ANKRD31: variants seen among roughly 807,000 people sequenced by gnomAD.
The protein encoded by ANKRD31 is ankyrin repeat domain-containing protein 31.
ANKRD31 carries 147 observed loss-of-function variants against 186.0 expected under a neutral mutation model. The ratio of observed to expected loss-of-function variants is 0.79; its 90% confidence interval spans 0.69 to 0.91. ANKRD31 has a LOEUF of 0.91. Among genes scored for constraint, ANKRD31 ranks in the 40% least tolerant of loss-of-function variants. ANKRD31 has a pLI of 0.00. For missense variants in ANKRD31, 1,986 were observed against 2,148.8 expected, an observed-to-expected ratio of 0.92 and a Z score of 1.50; for synonymous variants, 673 against 736.4, an observed-to-expected ratio of 0.91 and a Z score of 1.39.
chr5:75,151,095 T>C (rs1012036441), intron 12 of ANKRD31, among the ~76,000 whole-genome samples: 4 of 152,042 alleles, frequency 2.6e-5, no homozygotes, highest in Non-Finnish European at 4.4e-5. Flanking sequence ...TTCTTGTCAA[T>C]AGCATTCAGA....
rs1751414489 is a variant in ANKRD31, at chr5:75,146,114, T to C, written c.3297A>G (p.Arg1099=). ...VIETTKVEKR[R]QNHLESETIH... ...TAGTCTCACTTTCTAGATGGTTTTG[T>C]CTCCTTTTTTCAACTTTAGTTGTTT... The change falls in exon 14 of 26, where the codon AGA becomes AGG. Residue 1099 remains arginine, a synonymous_variant. Transcript: ENST00000506364. 1 of 1,535,984 alleles carries C rather than the reference T, an allele frequency of 6.5e-7. No homozygotes were observed. Among genetic ancestry groups the C allele is most frequent in the African/African-American group, 1.4e-5 (1 of 72,978 alleles).
At position 75,193,359 on chromosome 5, in the gene ANKRD31, A is replaced by G. The variant is rs759116484; in HGVS notation, c.1250T>C (p.Leu417Pro). 7 of 1,536,930 alleles carry G rather than the reference A, an allele frequency of 4.6e-6. No homozygotes were observed. In the South Asian group the frequency reaches 5.9e-5, roughly 13 times the overall value. The change falls in exon 8 of 26, where the codon CTT (leucine) becomes CCT (proline). Residue 417 changes from leucine to proline, a missense_variant. Physicochemically the swap from Leu to Pro is moderately conservative, Grantham distance 98. Transcript: ENST00000506364. The stretch of plus-strand genomic sequence containing the variant: ...ATTATTTGTTAGGTCCTCACAGCCA[A>G]GGATTTTTGGTAAAATCTTTTCTGG... Reference protein sequence around the residue: ...KMPEKILPKILGCEDLTNNNS... With the variant: ...KMPEKILPKIPGCEDLTNNNS...
rs1747879128 is a variant in ANKRD31 at position 75,112,618 on chromosome 5, T to G, written c.4156-18A>C. ...GTCTGATGCTATCAGATAAAAATAT[T>G]TGAAACTTCATTATAAAGGGGTAGA... On this transcript the variant is annotated intron_variant, in intron 19 of 25. Coordinates refer to ENST00000506364, the MANE Select transcript of ANKRD31 (RefSeq NM_001372053.1). 4.1e-6 allele frequency: 6 copies of G among 1,448,652 alleles called. No individual in the cohort carries two copies. In the African/African-American group the frequency reaches 7.1e-5, roughly 17 times the overall value. The allele number at this position is 1,448,652 out of a possible 1,614,324, so 89.7% of individuals were successfully genotyped here. A position where few individuals can be genotyped will look rare whatever the true frequency, so the allele number is the denominator to read the frequency against.
intron 1 of ANKRD31, among the ~76,000 whole-genome samples, chr5:75,234,730 T>C (rs1208612382): frequency 1.3e-5 from 2 of 152,244 alleles, no homozygotes; most frequent in Admixed American, 6.5e-5. Flanking sequence ...TATGTGTTTG[T>C]AATCTTGATA....
chr5:75,093,060 A>G (rs1264002661), intron 22 of ANKRD31, among the ~76,000 whole-genome samples: 8 of 152,248 alleles, frequency 5.3e-5, no homozygotes, highest in Non-Finnish European at 1.0e-4. Context: ...ATGCAAGACA[A>G]AGAAAAGAGA....
intron 5 of ANKRD31, among the ~76,000 whole-genome samples, chr5:75,201,898 TATC>T (rs1755846542): frequency 6.6e-6 from 1 of 152,200 alleles, no homozygotes; most frequent in African/African-American, 2.4e-5. Context: ...CACAACCCCT[TATC>T]ATCATAACCC....
chr5:75,193,272 T>C lies in ANKRD31; in HGVS notation c.1298+39A>G, dbSNP rs773022909. The stretch of plus-strand genomic sequence containing the variant: ...AGCATATAATTATCTATAATGTCTA[T>C]AGCATACCTGGAGATAAAGACATAA... On this transcript the variant is annotated intron_variant, in intron 8 of 25. Coordinates refer to ENST00000506364, the MANE Select transcript of ANKRD31 (RefSeq NM_001372053.1). The C allele has an allele frequency of 2.7e-5, 41 of 1,521,662 alleles. 2 individuals carry two copies. The Middle Eastern group carries it at 1.5e-3, about 56-fold the overall frequency. The allele number at this position is 1,521,662 out of a possible 1,614,324, so 94.3% of individuals were successfully genotyped here. A position where few individuals can be genotyped will look rare whatever the true frequency, so the allele number is the denominator to read the frequency against.
chr5:75,095,473 C>CAAA (rs61017772), intron 22 of ANKRD31, among the ~76,000 whole-genome samples: 36 of 144,754 alleles, frequency 2.5e-4, no homozygotes, highest in African/African-American at 5.0e-4. Flanking sequence ...GACTCCGTCT[C>CAAA]AAAAAAAAAA....
At chr5:75,104,201 G>A (rs985035882) in intron 22 of ANKRD31, 27 bp downstream of exon 22, 19 of 1,437,796 alleles carry the variant, frequency 1.3e-5, no homozygotes, top group Non-Finnish European at 1.7e-5. Flanking sequence ...AAATTTGCAT[G>A]ATTTTAGAGA....
rs190856510 is a variant in ANKRD31, at chr5:75,106,556, T to A, written c.4340+965A>T. Among the ~76,000 whole-genome samples the A allele has an allele frequency of 3.1e-3, 465 of 152,158 alleles. 2 individuals carry two copies. The highest frequency in any genetic ancestry group is 0.013 in the South Asian group (62 of 4,832). ...GGAGTTCAGACACAAAACTTAAGATTATCCACACCAAGATGTGAAGTCTCA... is the reference window on the plus strand; with the variant it reads ...GGAGTTCAGACACAAAACTTAAGATAATCCACACCAAGATGTGAAGTCTCA... On this transcript the variant is annotated intron_variant, in intron 21 of 25. Coordinates refer to ENST00000506364, the MANE Select transcript of ANKRD31 (RefSeq NM_001372053.1).
At chr5:75,177,378 G>A (rs1247723234) in intron 10 of ANKRD31, among the ~76,000 whole-genome samples, 1 of 152,088 alleles carries the variant, frequency 6.6e-6, no homozygotes, top group Non-Finnish European at 1.5e-5. Context: ...AGGAAATACA[G>A]AGAACGCCAC....
intron 10 of ANKRD31, among the ~76,000 whole-genome samples, chr5:75,185,021 T>C (rs1386232704): frequency 6.6e-6 from 1 of 152,044 alleles, no homozygotes; most frequent in East Asian, 1.9e-4. Flanking sequence ...TGGAATACTA[T>C]TCAGCCATAA....
At chr5:75,158,835 A>T (rs555887606) in intron 11 of ANKRD31, among the ~76,000 whole-genome samples, 1 of 152,206 alleles carries the variant, frequency 6.6e-6, no homozygotes, top group Non-Finnish European at 1.5e-5. Flanking sequence ...ACAGACATGA[A>T]AAGAAACACT....
chr5:75,077,179 C>T (rs1290123473), intron 25 of ANKRD31, among the ~76,000 whole-genome samples: 1 of 152,162 alleles, frequency 6.6e-6, no homozygotes, highest in Admixed American at 6.5e-5. Flanking sequence ...AGCGATTCTC[C>T]TGCCTCAGCC....
intron 15 of ANKRD31, among the ~76,000 whole-genome samples, chr5:75,141,815 A>C (rs1263316285): frequency 6.6e-6 from 1 of 152,022 alleles, no homozygotes; most frequent in Non-Finnish European, 1.5e-5. Context: ...CAACAACAAC[A>C]ACAAACTCTC....
chr5:75,131,344 A>G (rs1006081763), intron 17 of ANKRD31, among the ~76,000 whole-genome samples: 1 of 152,132 alleles, frequency 6.6e-6, no homozygotes, highest in Admixed American at 6.5e-5. Context: ...ATTAGCAAAC[A>G]GCACACCAGG....
chr5:75,135,474 T>C (rs1324077689), intron 17 of ANKRD31, among the ~76,000 whole-genome samples: 1 of 152,146 alleles, frequency 6.6e-6, no homozygotes, highest in African/African-American at 2.4e-5. Context: ...GTGAAGGGCC[T>C]CTTCAAGGAG....
rs536012045 is a variant in ANKRD31, at chr5:75,123,672, A to T, written c.3877-5375T>A. ...ATCTATAGCTAACTGATCTTTGACAATGCTGACAAGAACATACACTGGGAA... is the reference window on the plus strand; with the variant it reads ...ATCTATAGCTAACTGATCTTTGACATTGCTGACAAGAACATACACTGGGAA... On this transcript the variant is annotated intron_variant, in intron 17 of 25. Coordinates refer to ENST00000506364, the MANE Select transcript of ANKRD31 (RefSeq NM_001372053.1). Among the ~76,000 whole-genome samples the T allele has an allele frequency of 7.9e-5, 12 of 152,282 alleles. No individual in the cohort carries two copies. The East Asian group carries it at 2.1e-3, about 27-fold the overall frequency.
chr5:75,073,966 C>T (rs1015773068), intron 25 of ANKRD31, among the ~76,000 whole-genome samples: 3 of 152,190 alleles, frequency 2.0e-5, no homozygotes, highest in Non-Finnish European at 2.9e-5. Flanking sequence ...ATGGCTAGTA[C>T]AGCCATAAGA....
Sources: gnomAD v4.1 joint callset for allele counts (sites outside exome capture counted in the v4.1 genomes callset) on GRCh38, gnomAD v4.1.1 for gene constraint, MANE v1.5 for transcripts, NCBI Gene and HGNC (gene_info 2026-07-23, HGNC 2026-07-21) for gene names.